C7orf78: variants seen among roughly 807,000 people sequenced by gnomAD.
C7orf78 encodes chromosome 7 open reading frame 78.
the C7orf78 span, among the ~76,000 whole-genome samples, chr7:12,501,153 C>A: frequency 3.3e-3 from 448 of 135,460 alleles, 5 homozygotes; most frequent in African/African-American, 0.012. Flanking sequence ...TGGAAGCATT[C>A]CCTTTGAAAA....
At chr7:12,497,757 C>G in the C7orf78 span, among the ~76,000 whole-genome samples, 1 of 151,780 alleles carries the variant, frequency 6.6e-6, no homozygotes, top group African/African-American at 2.4e-5. Flanking sequence ...CTGCCTGCCT[C>G]TGTAGGCTCC....
chr7:12,528,713 G>A, the C7orf78 span, among the ~76,000 whole-genome samples: 756 of 152,294 alleles, frequency 5.0e-3, 6 homozygotes, highest in African/African-American at 0.017. Flanking sequence ...GGAGTTTGAA[G>A]AAAGACAAAA....
At chr7:12,500,620 G>T in the C7orf78 span, among the ~76,000 whole-genome samples, 1 of 151,834 alleles carries the variant, frequency 6.6e-6, no homozygotes, top group Non-Finnish European at 1.5e-5. Flanking sequence ...TCCAGGACCA[G>T]ATGGATTCAC....
chr7:12,535,179 T>A, the C7orf78 span, among the ~76,000 whole-genome samples: 1 of 152,006 alleles, frequency 6.6e-6, no homozygotes, highest in African/African-American at 2.4e-5. Context: ...GAAGCATAGG[T>A]TTATTCATCC....
At chr7:12,516,164 T>C in the C7orf78 span, among the ~76,000 whole-genome samples, 1 of 152,222 alleles carries the variant, frequency 6.6e-6, no homozygotes, top group Non-Finnish European at 1.5e-5. Flanking sequence ...GCCCAGGGTC[T>C]CTGTACTACG....
the C7orf78 span, among the ~76,000 whole-genome samples, chr7:12,516,893 T>C: frequency 6.6e-6 from 1 of 152,206 alleles, no homozygotes. Context: ...TTGCTTTTGA[T>C]TTTACAGGCT....
At chr7:12,533,389 CAG>C in the C7orf78 span, among the ~76,000 whole-genome samples, 1 of 151,660 alleles carries the variant, frequency 6.6e-6, no homozygotes, top group Admixed American at 6.6e-5. Context: ...TTAGTAGAGA[CAG>C]GGGTTTGCCA....
At chr7:12,509,598 A>G in the C7orf78 span, among the ~76,000 whole-genome samples, 4 of 152,164 alleles carry the variant, frequency 2.6e-5, no homozygotes, top group East Asian at 7.7e-4. Context: ...CCATTAACCA[A>G]TTTATTCTCA....
the C7orf78 span, among the ~76,000 whole-genome samples, chr7:12,528,629 G>C: frequency 1.3e-5 from 2 of 152,248 alleles, no homozygotes; most frequent in Non-Finnish European, 2.9e-5. Flanking sequence ...TTAAGGTAGA[G>C]TGCAAAATAT....
At chr7:12,532,492 T>C in the C7orf78 span, among the ~76,000 whole-genome samples, 1 of 150,036 alleles carries the variant, frequency 6.7e-6, no homozygotes, top group Non-Finnish European at 1.5e-5. Flanking sequence ...GAGGTTGCAG[T>C]GAGCCAACAT....
At chr7:12,532,353 G>T in the C7orf78 span, among the ~76,000 whole-genome samples, 157 of 152,082 alleles carry the variant, frequency 1.0e-3, no homozygotes, top group Middle Eastern at 0.01. Flanking sequence ...TTCGAGACCA[G>T]CCTGACCAAC....
At chr7:12,506,898 G>A in the C7orf78 span, 1 of 477,854 alleles carries the variant, frequency 2.1e-6, no homozygotes, top group Non-Finnish European at 4.3e-6. Flanking sequence ...TTAAGAACAT[G>A]TTTTTGGTTG....
the C7orf78 span, among the ~76,000 whole-genome samples, chr7:12,493,706 C>G: frequency 7.2e-5 from 11 of 152,192 alleles, no homozygotes; most frequent in Non-Finnish European, 1.6e-4. Flanking sequence ...AGCTGTTAGA[C>G]TATCTTTCTA....
At chr7:12,510,206 T>C in the C7orf78 span, among the ~76,000 whole-genome samples, 32 of 151,990 alleles carry the variant, frequency 2.1e-4, no homozygotes, top group Non-Finnish European at 2.5e-4. Context: ...GACAGGATCC[T>C]ACTCTGTCAC....
At chr7:12,494,692 A>C in the C7orf78 span, among the ~76,000 whole-genome samples, 11 of 152,186 alleles carry the variant, frequency 7.2e-5, no homozygotes, top group Admixed American at 5.9e-4. Flanking sequence ...TTAGAAATAC[A>C]TATTCTAGAA....
the C7orf78 span, among the ~76,000 whole-genome samples, chr7:12,514,450 T>C: frequency 6.6e-6 from 1 of 152,114 alleles, no homozygotes; most frequent in Non-Finnish European, 1.5e-5. Context: ...AAGTTGAGTT[T>C]CTTGTAAGCA....
chr7:12,510,230 C>T, the C7orf78 span, among the ~76,000 whole-genome samples: 6 of 151,886 alleles, frequency 4.0e-5, no homozygotes, highest in Non-Finnish European at 7.4e-5. Context: ...GGCTGGATCA[C>T]GATCCAGCAG....
the C7orf78 span, among the ~76,000 whole-genome samples, chr7:12,505,652 C>G: frequency 6.6e-6 from 1 of 152,152 alleles, no homozygotes; most frequent in Non-Finnish European, 1.5e-5. Flanking sequence ...GCAACATTTA[C>G]TATTAAATCT....
the C7orf78 span, chr7:12,523,156 T>C: frequency 1.0e-5 from 4 of 398,330 alleles, no homozygotes; most frequent in African/African-American, 6.2e-5. Context: ...TAAAGCCTCC[T>C]GATTTTAGCT....
Sources: gnomAD v4.1 joint callset for allele counts (sites outside exome capture counted in the v4.1 genomes callset) on GRCh38, gnomAD v4.1.1 for gene constraint, MANE v1.5 for transcripts, NCBI Gene and HGNC (gene_info 2026-07-23, HGNC 2026-07-21) for gene names.